Variants in PALLD observed in about 807,000 individuals in gnomAD.
PALLD encodes palladin.
In PALLD, 61 loss-of-function variants were observed where a neutral mutation model predicts 123.5. The ratio of observed to expected loss-of-function variants is 0.49; its 90% confidence interval spans 0.40 to 0.61. PALLD has a LOEUF of 0.61. Among genes scored for constraint, PALLD ranks in the 20% least tolerant of loss-of-function variants. PALLD has a pLI of 0.00. For missense variants in PALLD, 1,273 were observed against 1,377.0 expected (o/e 0.92, Z 1.20); for synonymous variants, 465 against 496.4 (o/e 0.94, Z 0.84).
intron 2 of PALLD, among the ~76,000 whole-genome samples, chr4:168,589,518 C>T (rs143423720): frequency 6.6e-6 from 1 of 152,092 alleles, no homozygotes; most frequent in Non-Finnish European, 1.5e-5. Context: ...ATAACCCAGT[C>T]CACTGTACCC....
chr4:168,583,361 G>C (rs183778569), intron 2 of PALLD, among the ~76,000 whole-genome samples: 38 of 152,268 alleles, frequency 2.5e-4, no homozygotes, highest in Admixed American at 2.5e-3. Context: ...TTCTAGATCA[G>C]TGCTTCTCAA....
At chr4:168,792,386 A>G (rs1028286727) in intron 10 of PALLD, among the ~76,000 whole-genome samples, 1 of 152,064 alleles carries the variant, frequency 6.6e-6, no homozygotes, top group African/African-American at 2.4e-5. Context: ...AACAGAACTA[A>G]CCTAGGGAAT....
chr4:168,605,067 C>T (rs1358092898), intron 2 of PALLD, among the ~76,000 whole-genome samples: 1 of 152,058 alleles, frequency 6.6e-6, no homozygotes, highest in Non-Finnish European at 1.5e-5. Context: ...TATAAACTGC[C>T]CCTCTGGTGC....
chr4:168,836,059 C>T (rs1466704323), intron 10 of PALLD, among the ~76,000 whole-genome samples: 1 of 152,200 alleles, frequency 6.6e-6, no homozygotes, highest in Non-Finnish European at 1.5e-5. Flanking sequence ...TGTTAGCTGC[C>T]TTCCTGGTTA....
intron 2 of PALLD, among the ~76,000 whole-genome samples, chr4:168,585,219 T>G (rs532260765): frequency 6.6e-6 from 1 of 152,224 alleles, no homozygotes; most frequent in African/African-American, 2.4e-5. Context: ...TATCAAGTGG[T>G]TTTATAACCA....
At chr4:168,673,379 G>A (rs985218556) in intron 3 of PALLD, among the ~76,000 whole-genome samples, 4 of 152,216 alleles carry the variant, frequency 2.6e-5, no homozygotes, top group South Asian at 2.1e-4. Context: ...GGGAAAGAGT[G>A]CTCCGGACCA....
chr4:168,528,853 T>C (rs1764318385), intron 2 of PALLD, among the ~76,000 whole-genome samples: 2 of 152,136 alleles, frequency 1.3e-5, no homozygotes, highest in African/African-American at 4.8e-5. Flanking sequence ...CTCTTAGGCA[T>C]TTTTTTCACG....
At chr4:168,725,729 T>C (rs1054056364) in intron 10 of PALLD, among the ~76,000 whole-genome samples, 6 of 152,072 alleles carry the variant, frequency 3.9e-5, no homozygotes, top group Non-Finnish European at 7.4e-5. Flanking sequence ...GGTTTCACCA[T>C]GTTGGCCAGG....
At chr4:168,807,304 G>A (rs1033771916) in intron 10 of PALLD, among the ~76,000 whole-genome samples, 1 of 151,512 alleles carries the variant, frequency 6.6e-6, no homozygotes, top group Non-Finnish European at 1.5e-5. Context: ...CACACACAGT[G>A]AATGATACTC....
At chr4:168,737,171 G>A (rs116283061) in intron 10 of PALLD, among the ~76,000 whole-genome samples, 6 of 152,148 alleles carry the variant, frequency 3.9e-5, no homozygotes, top group Non-Finnish European at 5.9e-5. Flanking sequence ...AAAACAAATA[G>A]GGCTAAAACA....
intron 13 of PALLD, 135 bp from the exon 14 acceptor site, chr4:168,898,358 T>C (rs1755717717): frequency 2.9e-6 from 2 of 700,864 alleles, no homozygotes; most frequent in African/African-American, 3.5e-5. Flanking sequence ...TGCAATTGAA[T>C]TGGGCTCAGA....
chr4:168,650,682 G>A (rs1156435232), intron 2 of PALLD, among the ~76,000 whole-genome samples: 3 of 151,454 alleles, frequency 2.0e-5, no homozygotes, highest in Admixed American at 6.6e-5. Flanking sequence ...TTCCCACATT[G>A]GTTATAGCAA....
intron 2 of PALLD, among the ~76,000 whole-genome samples, chr4:168,628,841 T>C (rs1775549647): frequency 6.6e-6 from 1 of 152,128 alleles, no homozygotes; most frequent in African/African-American, 2.4e-5. Flanking sequence ...TTTGTCAGCT[T>C]GTCCCCTGCT....
intron 2 of PALLD, among the ~76,000 whole-genome samples, chr4:168,620,434 G>A (rs999445534): frequency 3.3e-5 from 5 of 152,094 alleles, no homozygotes; most frequent in Admixed American, 1.3e-4. Flanking sequence ...CAACCTGGGC[G>A]ACAGAGTGAG....
rs73864635 is a variant in PALLD at position 168,737,867 on chromosome 4, C to T, written c.1964+25944C>T. 6.4e-3 allele frequency among the ~76,000 whole-genome samples: 974 copies of T among 152,282 alleles called. 14 individuals are homozygous for T. The highest frequency in any genetic ancestry group is 0.022 in the African/African-American group (919 of 41,556). ...TCAAACACTGAGGACAGGGTGATTG[C>T]TGAGATGCTGTGGCAGTGGTTTCGG... On this transcript the variant is annotated intron_variant, in intron 10 of 21. Transcript: ENST00000505667.
chr4:168,745,544 G>A (rs1380728160), intron 10 of PALLD, among the ~76,000 whole-genome samples: 2 of 151,942 alleles, frequency 1.3e-5, no homozygotes, highest in Non-Finnish European at 2.9e-5. Context: ...TGTACATCAA[G>A]GTAATATAGG....
chr4:168,763,640 A>C (rs1167577802), intron 10 of PALLD, among the ~76,000 whole-genome samples: 1 of 152,196 alleles, frequency 6.6e-6, no homozygotes, highest in African/African-American at 2.4e-5. Flanking sequence ...CAGCAGCAGG[A>C]GGTGGGACAA....
chr4:168,659,453 C>G (rs1319576922), intron 2 of PALLD, among the ~76,000 whole-genome samples: 1 of 152,122 alleles, frequency 6.6e-6, no homozygotes, highest in East Asian at 1.9e-4. Flanking sequence ...AATTTGCCAT[C>G]CTGAAATCAC....
intron 2 of PALLD, among the ~76,000 whole-genome samples, chr4:168,520,347 A>AAAAGAGAGAGAG (rs1554034660): frequency 2.4e-5 from 2 of 83,988 alleles, no homozygotes; most frequent in African/African-American, 5.4e-5. Flanking sequence ...AAAAAAAAAA[A>AAAAGAGAGAGAG]AGAGAGAGAG....
Sources: gnomAD v4.1 joint callset for allele counts (sites outside exome capture counted in the v4.1 genomes callset) on GRCh38, gnomAD v4.1.1 for gene constraint, MANE v1.5 for transcripts, NCBI Gene and HGNC (gene_info 2026-07-23, HGNC 2026-07-21) for gene names.